The following MYCBPAP variants were observed in gnomAD, a reference collection of about 807,000 sequenced individuals.
The protein encoded by MYCBPAP is MYCBP associated protein.
Under a neutral mutation model 106.1 loss-of-function variants are expected in MYCBPAP, and 60 were observed. The ratio of observed to expected loss-of-function variants is 0.57; its 90% CI spans 0.46 to 0.70. The LOEUF is 0.70. Among genes scored for constraint, MYCBPAP ranks in the 30% least tolerant of loss-of-function variants. The probability of loss-of-function intolerance (pLI) is 0.00; values close to 1 mark genes in which losing one functional copy is unlikely to be tolerated. For synonymous variants in MYCBPAP, 407 were observed against 440.6 expected (o/e 0.92, Z 0.95); for missense variants, 1,064 against 1,169.3 (o/e 0.91, Z 1.31).
intron 1 of MYCBPAP, among the ~76,000 whole-genome samples, chr17:50,512,207 C>A (rs1325230992): frequency 6.6e-6 from 1 of 152,134 alleles, no homozygotes; most frequent in Non-Finnish European, 1.5e-5. Context: ...GTGCCCGCCA[C>A]CACGCCTGGC....
rs71353648 is a variant in MYCBPAP at position 50,509,536 on chromosome 17, CTGTGTG to C, written c.76+820_76+825del. On this transcript the variant is annotated intron_variant, in intron 1 of 18. Transcript: ENST00000323776. ...AAATTTAATTTTTAGCTTTTTTTTTCTGTGTGTGTGTGTGTGTGTGTGTGTGTGTGT... is the reference window on the plus strand; with the variant it reads ...AAATTTAATTTTTAGCTTTTTTTTTCTGTGTGTGTGTGTGTGTGTGTGTGT... 411 of 151,148 alleles carry C rather than the reference CTGTGTG, an allele frequency of 2.7e-3. 2 individuals carry two copies. The highest frequency in any genetic ancestry group is 6.2e-3 in the African/African-American group (232 of 37,210). 9.4% of individuals were successfully genotyped at this position (151,148 alleles called of 1,614,324 possible).
intron 4 of MYCBPAP, 54 bp downstream of exon 4, chr17:50,517,752 C>G: frequency 6.9e-7 from 1 of 1,453,240 alleles, no homozygotes; most frequent in Non-Finnish European, 9.7e-7. Context: ...TCATTTTGGT[C>G]TCCCACCTGA....
At chr17:50,525,740 C>T (rs1049376323) in intron 13 of MYCBPAP, 141 bp from the exon 14 acceptor site, 47 of 912,092 alleles carry the variant, frequency 5.2e-5, no homozygotes, top group Admixed American at 2.3e-4. Flanking sequence ...ATCTTCCTAC[C>T]GTGGCTTCCC....
intron 11 of MYCBPAP, among the ~76,000 whole-genome samples, 195 bp from the exon 12 acceptor site, chr17:50,523,402 G>A (rs4793657): frequency 0.52 from 78,630 of 152,018 alleles, 21,572 homozygotes; most frequent in East Asian, 0.83. Context: ...GGGCTAGGAT[G>A]GCCAGCTGTC....
intron 18 of MYCBPAP, chr17:50,530,203 C>T (rs1452855984): frequency 2.1e-5 from 9 of 437,694 alleles, no homozygotes; most frequent in Non-Finnish European, 3.6e-5. Flanking sequence ...TATTAAGAAT[C>T]AACTTGCAGA....
intron 1 of MYCBPAP, chr17:50,510,499 G>GTATGTGTGTGTATA (rs1555618059): frequency 1.3e-5 from 1 of 76,414 alleles, no homozygotes; most frequent in African/African-American, 4.6e-5. Flanking sequence ...GTGTGTGTGT[G>GTATGTGTGTGTATA]TATATATATA....
chr17:50,522,346 G>T (rs745874851), intron 10 of MYCBPAP: 8 of 316,922 alleles, frequency 2.5e-5, no homozygotes, highest in Non-Finnish European at 4.3e-5. Flanking sequence ...GCTCTAAGAA[G>T]GTTCCAAAAT....
intron 1 of MYCBPAP, chr17:50,514,775 A>C (rs2033982734): frequency 4.1e-6 from 1 of 245,200 alleles, no homozygotes; most frequent in Non-Finnish European, 8.5e-6. Flanking sequence ...CCTTCCCCTC[A>C]GCCTCCCAAG....
intron 1 of MYCBPAP, among the ~76,000 whole-genome samples, chr17:50,510,859 C>G (rs2033821209): frequency 6.6e-6 from 1 of 151,860 alleles, no homozygotes; most frequent in Admixed American, 6.6e-5. Flanking sequence ...GAGGGAATAT[C>G]TGGTCTCCTT....
In MYCBPAP at chr17:50,522,960, C is replaced by T. The variant is rs1466457946; in HGVS notation, c.1279C>T (p.His427Tyr). 1.2e-6 allele frequency: 2 copies of T among 1,612,376 alleles called. No individual in the cohort carries two copies. The highest frequency in any genetic ancestry group is 1.7e-5 in the Admixed American group (1 of 59,932). The part of the protein sequence containing the change: ...QDKRQVGIAA[H>Y]LTFETLEGEK... ...CCAGAGGCAGGTTGGGATTGCTGCT[C>T]ACTTGACCTTTGAAACCCTAGAAGG... The change falls in exon 11 of 19, where the codon CAC becomes TAC. Residue 427 changes from histidine (H) to tyrosine (Y), a missense_variant. His to Tyr is a moderately conservative substitution (Grantham distance 83). Transcript: ENST00000323776.
intron 13 of MYCBPAP, 28 bp downstream of exon 13, chr17:50,525,051 C>A (rs1106730): frequency 0.16 from 247,997 of 1,597,782 alleles, 21,172 homozygotes; most frequent in African/African-American, 0.32. Context: ...CCCCTGCCCC[C>A]TCATGTGTGC....
intron 1 of MYCBPAP, among the ~76,000 whole-genome samples, chr17:50,510,943 T>C (rs1336073898): frequency 6.6e-6 from 1 of 152,112 alleles, no homozygotes; most frequent in Admixed American, 6.6e-5. Context: ...GTATCAGATT[T>C]GAACTGCTGT....
At chr17:50,522,295 C>T (rs7216366) in intron 10 of MYCBPAP, 336,952 of 450,692 alleles carry the variant, frequency 0.75, 127,373 homozygotes, top group East Asian at 0.89. Context: ...GGCTTATACC[C>T]AGCCCCCAAG....
At chr17:50,511,092 T>C (rs2033831933) in intron 1 of MYCBPAP, among the ~76,000 whole-genome samples, 1 of 152,166 alleles carries the variant, frequency 6.6e-6, no homozygotes, top group Admixed American at 6.5e-5. Context: ...ATGCAAGATA[T>C]CTTTTTAAAA....
In MYCBPAP at chr17:50,519,006, A is replaced by G; in HGVS notation, c.685A>G (p.Met229Val). The G allele has an allele frequency of 1.2e-6, 2 of 1,614,106 alleles. No individual in the cohort carries two copies. The highest frequency in any genetic ancestry group is 1.1e-5 in the South Asian group (1 of 91,086). Residue 229 changes from methionine to valine, a missense_variant, in exon 6 of 19, where the codon ATG (methionine) becomes GTG (valine). Transcript: ENST00000323776. Reference protein sequence around the residue: ...HLKKPVSELLMHTGETYRRIQ... With the variant: ...HLKKPVSELLVHTGETYRRIQ... ...AAAGAAGCCAGTGAGTGAGCTGCTC[A>G]TGCACACCGGGGAGACCTACAGACG...
At chr17:50,511,153 C>T (rs2033834516) in intron 1 of MYCBPAP, among the ~76,000 whole-genome samples, 1 of 151,684 alleles carries the variant, frequency 6.6e-6, no homozygotes, top group Non-Finnish European at 1.5e-5. Flanking sequence ...CCCCCAGCCC[C>T]CATACAAGGC....
At chr17:50,527,625 C>A (rs2034503678) in intron 15 of MYCBPAP, among the ~76,000 whole-genome samples, 1 of 152,042 alleles carries the variant, frequency 6.6e-6, no homozygotes, top group Non-Finnish European at 1.5e-5. Context: ...TTTTTTTCTT[C>A]CCCTTTTTGC....
intron 14 of MYCBPAP, 92 bp from the exon 15 acceptor site, chr17:50,527,195 T>C: frequency 1.3e-6 from 2 of 1,552,652 alleles, no homozygotes; most frequent in East Asian, 4.5e-5. Flanking sequence ...TGGTTCCTGG[T>C]CCCCTGCCAC....
rs1597812294 is a variant in MYCBPAP at position 50,508,668 on chromosome 17, C to T, written c.-7C>T. ...CAGGGCAACGTTTCATGGTGCCGGG[C>T]GGCACCATGAAGTCTCTAAAGAAGG... is the stretch of plus-strand genomic sequence containing the variant. On this transcript the variant is annotated 5_prime_UTR_variant, in exon 1 of 19. Transcript: ENST00000323776. 6.2e-7 allele frequency: 1 copy of T among 1,600,372 alleles called. No individual in the cohort carries two copies. The highest frequency in any genetic ancestry group is 8.5e-7 in the Non-Finnish European group (1 of 1,171,936).
Sources: allele counts gnomAD v4.1 joint callset (sites outside exome capture counted in the v4.1 genomes callset), GRCh38; gene constraint gnomAD v4.1.1; transcripts MANE v1.5; gene names NCBI Gene and HGNC (gene_info 2026-07-23, HGNC 2026-07-21).